RGL1: variants seen among roughly 807,000 people sequenced by gnomAD.
The protein encoded by RGL1 is ral guanine nucleotide dissociation stimulator like 1, also known as ral guanine nucleotide dissociation stimulator-like 1.
Under a neutral mutation model 95.2 loss-of-function variants are expected in RGL1, and 24 were observed. The ratio of observed to expected loss-of-function variants is 0.25; its 90% CI spans 0.18 to 0.35. RGL1 has a LOEUF of 0.35. Among genes scored for constraint, RGL1 ranks in the 10% least tolerant of loss-of-function variants. The probability of loss-of-function intolerance (pLI) is 1.00; values close to 1 mark genes in which losing one functional copy is unlikely to be tolerated. For missense variants in RGL1, 715 were observed against 936.3 expected (o/e 0.76, Z 3.08); for synonymous variants, 329 against 344.9 (o/e 0.95, Z 0.51).
chr1:183,891,147 CTTTATTA>C (rs1370418409), intron 8 of RGL1, among the ~76,000 whole-genome samples: 1 of 151,998 alleles, frequency 6.6e-6, no homozygotes, highest in Admixed American at 6.5e-5. Flanking sequence ...TAATGGTTTT[CTTTATTA>C]TTTAGAGTAA....
chr1:183,877,279 C>A (rs1172711165), intron 4 of RGL1, among the ~76,000 whole-genome samples: 2 of 152,170 alleles, frequency 1.3e-5, no homozygotes, highest in Non-Finnish European at 2.9e-5. Context: ...TTCTTTACAT[C>A]CCCCCACTCT....
intron 1 of RGL1, among the ~76,000 whole-genome samples, chr1:183,705,862 G>A (rs981538291): frequency 6.6e-6 from 1 of 152,196 alleles, no homozygotes; most frequent in Non-Finnish European, 1.5e-5. Flanking sequence ...GACTGACAAG[G>A]AGGTGAGAAA....
Position 183,670,775 on chromosome 1 carries a change from C to A in RGL1, c.-33+34274C>A, listed in dbSNP as rs145843346. 5.3e-3 allele frequency among the ~76,000 whole-genome samples: 800 copies of A among 152,326 alleles called. 6 individuals are homozygous for A. Among genetic ancestry groups the A allele is most frequent in the African/African-American group, 0.018 (756 of 41,568 alleles). Reference sequence around the variant, plus strand: ...TTAGGATGGAGTAGCAACTTCCAAGCTCCTTACATGCTGAACCAGTTTATT... The same window carrying A: ...TTAGGATGGAGTAGCAACTTCCAAGATCCTTACATGCTGAACCAGTTTATT... On this transcript the variant is annotated intron_variant, in intron 1 of 18. Transcript: ENST00000304685.
At chr1:183,636,888 T>C (rs1649574167) in intron 1 of RGL1, among the ~76,000 whole-genome samples, 1 of 152,184 alleles carries the variant, frequency 6.6e-6, no homozygotes, top group African/African-American at 2.4e-5. Flanking sequence ...AGGATAAAAT[T>C]AATTTGGACA....
At chr1:183,689,028 T>A (rs1653785767) in intron 1 of RGL1, among the ~76,000 whole-genome samples, 1 of 152,150 alleles carries the variant, frequency 6.6e-6, no homozygotes, top group Admixed American at 6.6e-5. Context: ...TTTTATCCCT[T>A]AAAGGCAGAC....
chr1:183,858,662 C>T (rs1031192691), intron 3 of RGL1, among the ~76,000 whole-genome samples: 10 of 152,090 alleles, frequency 6.6e-5, no homozygotes, highest in Non-Finnish European at 1.3e-4. Flanking sequence ...TTTTTCATAT[C>T]GCTATTCTCT....
At chr1:183,738,921 T>C (rs1342700256) in intron 1 of RGL1, among the ~76,000 whole-genome samples, 1 of 151,728 alleles carries the variant, frequency 6.6e-6, no homozygotes, top group Non-Finnish European at 1.5e-5. Flanking sequence ...AAGAAAAGAA[T>C]AAAGAGAGTA....
At chr1:183,870,564 T>C (rs555901204) in intron 4 of RGL1, among the ~76,000 whole-genome samples, 3 of 152,272 alleles carry the variant, frequency 2.0e-5, no homozygotes, top group Admixed American at 2.0e-4. Flanking sequence ...CTGGCGCAAG[T>C]GGCCTTGAGC....
intron 1 of RGL1, among the ~76,000 whole-genome samples, chr1:183,693,071 C>T (rs1034065878): frequency 6.6e-6 from 1 of 152,040 alleles, no homozygotes; most frequent in Admixed American, 6.6e-5. Context: ...TCTTCTGCCC[C>T]AGCCTACTGA....
At chr1:183,791,480 T>C (rs1660438375) in intron 2 of RGL1, among the ~76,000 whole-genome samples, 1 of 152,208 alleles carries the variant, frequency 6.6e-6, no homozygotes, top group Non-Finnish European at 1.5e-5. Context: ...CTTTCCATTC[T>C]TGGTTTCATC....
chr1:183,648,519 G>T (rs142586700), intron 1 of RGL1: 1 of 1,614,168 alleles, frequency 6.2e-7, no homozygotes, highest in South Asian at 1.1e-5. Flanking sequence ...ATAATTCCCA[G>T]TGCAACTGCT....
chr1:183,824,185 A>G (rs1429643616), intron 2 of RGL1, among the ~76,000 whole-genome samples: 2 of 152,046 alleles, frequency 1.3e-5, no homozygotes, highest in African/African-American at 2.4e-5. Context: ...AGAACTACCC[A>G]TCCGTTGTTT....
intron 2 of RGL1, among the ~76,000 whole-genome samples, chr1:183,768,814 C>T (rs966446419): frequency 8.5e-5 from 13 of 152,056 alleles, no homozygotes; most frequent in African/African-American, 1.2e-4. Context: ...ATTTTATATA[C>T]GGAATTACAT....
chr1:183,668,003 A>ATGTGTGTGTGTGTG (rs71130628), intron 1 of RGL1, among the ~76,000 whole-genome samples: 1 of 135,152 alleles, frequency 7.4e-6, no homozygotes, highest in African/African-American at 2.7e-5. Context: ...GCTTATATAT[A>ATGTGTGTGTGTGTG]TGTGTGTGTG....
intron 12 of RGL1, 152 bp from the exon 13 acceptor site, chr1:183,904,698 T>A (rs1277585246): frequency 9.3e-6 from 7 of 751,284 alleles, no homozygotes; most frequent in Non-Finnish European, 1.4e-5. Flanking sequence ...AGCTCCTTTA[T>A]TTTTAAGGAA....
rs200461477 is a variant in RGL1, at chr1:183,926,096, C to T, written c.2120-9C>T. 6.2e-7 allele frequency: 1 copy of T among 1,611,026 alleles called. No homozygotes were observed. The highest frequency in any genetic ancestry group is 1.1e-5 in the South Asian group (1 of 90,496). ...AGCTGACCATCTTATCTTTCCTTAT[C>T]TTTTTCAGAACTTGTGATTCCAGAC... On this transcript the variant is annotated splice_polypyrimidine_tract_variant and intron_variant, in intron 17 of 17. Transcript: ENST00000360851.
chr1:183,890,633 A>G (rs1667362458), intron 8 of RGL1, among the ~76,000 whole-genome samples: 1 of 152,172 alleles, frequency 6.6e-6, no homozygotes, highest in Non-Finnish European at 1.5e-5. Flanking sequence ...TGCAGGCATA[A>G]AAGGAGTGTA....
intron 2 of RGL1, among the ~76,000 whole-genome samples, chr1:183,821,462 G>A (rs1419159630): frequency 3.3e-5 from 5 of 152,156 alleles, no homozygotes; most frequent in African/African-American, 4.8e-5. Context: ...TATGAATCAT[G>A]GCTAAAAAGT....
At chr1:183,833,107 T>C (rs1663374567) in intron 2 of RGL1, among the ~76,000 whole-genome samples, 1 of 152,196 alleles carries the variant, frequency 6.6e-6, no homozygotes, top group Non-Finnish European at 1.5e-5. Flanking sequence ...GTTATTGACA[T>C]AAGTGCTAGT....
Sources: allele counts gnomAD v4.1 joint callset (sites outside exome capture counted in the v4.1 genomes callset), GRCh38; gene constraint gnomAD v4.1.1; transcripts MANE v1.5; gene names NCBI Gene and HGNC (gene_info 2026-07-23, HGNC 2026-07-21).